FCHO1: variants seen among roughly 807,000 people sequenced by gnomAD.
FCHO1 encodes the protein F-BAR domain only protein 1.
FCHO1 carries 45 observed loss-of-function variants against 114.4 expected under a neutral mutation model. The ratio of observed to expected loss-of-function variants is 0.39; its 90% confidence interval spans 0.31 to 0.50. FCHO1 has a LOEUF of 0.50. FCHO1 is among the 20% of genes least tolerant of loss of function. The probability of loss-of-function intolerance (pLI) is 0.77; values close to 1 mark genes in which losing one functional copy is unlikely to be tolerated. For missense variants in FCHO1, 1,042 were observed against 1,209.6 expected (o/e 0.86, Z 2.06); for synonymous variants, 480 against 488.9 (o/e 0.98, Z 0.24).
At chr19:17,769,820 G>A (rs529206808) in intron 7 of FCHO1, among the ~76,000 whole-genome samples, 57 of 151,220 alleles carry the variant, frequency 3.8e-4, no homozygotes, top group South Asian at 1.7e-3. Flanking sequence ...TCTGAAATAT[G>A]AACCATGTGT....
In FCHO1 at chr19:17,776,636, G is replaced by C. The variant is rs771723774; in HGVS notation, c.1209G>C (p.Arg403=). 6.2e-7 allele frequency: 1 copy of C among 1,613,938 alleles called. No homozygotes were observed. Among genetic ancestry groups the C allele is most frequent in the Non-Finnish European group, 8.5e-7 (1 of 1,179,956 alleles). ...CTGAAGGAGGTGCATCTCTTGTAGG[G>C]GACGCTGCTGGGAAACCCCAGAGAC... ...PGGTMKRHSS[R]DAAGKPQRPR... Residue 403 remains arginine, a splice_region_variant and synonymous_variant, in exon 18 of 29, where the codon CGG becomes CGC. Coordinates refer to ENST00000596536, the MANE Select transcript of FCHO1 (RefSeq NM_015122.3). This position sits in a 1 kb window ranked among gnomAD's most constrained non-coding sequence, Gnocchi z 4.4.
At chr19:17,766,091 T>C (rs891231396) in intron 6 of FCHO1, among the ~76,000 whole-genome samples, 1 of 151,536 alleles carries the variant, frequency 6.6e-6, no homozygotes, top group African/African-American at 2.4e-5. Context: ...GGTTTCACCA[T>C]GTTAGCCAGG....
intron 22 of FCHO1, 41 bp from the exon 23 acceptor site, chr19:17,781,671 T>A (rs754578203): frequency 1.3e-6 from 2 of 1,550,626 alleles, no homozygotes; most frequent in Non-Finnish European, 1.8e-6. Context: ...ATATTCACAC[T>A]GTCTATCCGT....
Position 17,775,026 on chromosome 19 carries a change from T to G in FCHO1, c.921-30T>G. On this transcript the variant is annotated intron_variant, in intron 13 of 28. Coordinates refer to ENST00000596536, the MANE Select transcript of FCHO1 (RefSeq NM_015122.3). The surrounding 1 kb of genome is among the most constrained non-coding windows in gnomAD (Gnocchi z 5.1). The stretch of plus-strand genomic sequence containing the variant: ...GGGGCACCAGATGGGCTGCGGAAGC[T>G]GACACCAACATCTCTTCCTCCATCC... The G allele has an allele frequency of 6.2e-7, 1 of 1,613,322 alleles. No homozygotes were observed. The highest frequency in any genetic ancestry group is 1.1e-5 in the South Asian group (1 of 91,008).
In FCHO1 at chr19:17,775,432, A is replaced by C; in HGVS notation, c.946-24A>C. On this transcript the variant is annotated intron_variant, in intron 14 of 28. Transcript: ENST00000596536. This position sits in a 1 kb window ranked among gnomAD's most constrained non-coding sequence, Gnocchi z 5.1. ...GGTTCGATAGTGGGGCGCCTGACTC[A>C]CTGCTGCCCCCTGACTCCCCTAGAC... 6.2e-7 allele frequency: 1 copy of C among 1,610,908 alleles called. No homozygotes were observed. Among genetic ancestry groups the C allele is most frequent in the Non-Finnish European group, 8.5e-7 (1 of 1,177,418 alleles).
intron 4 of FCHO1, chr19:17,758,685 G>C (rs1032550243): frequency 6.6e-6 from 1 of 152,192 alleles, no homozygotes; most frequent in Non-Finnish European, 1.5e-5. Context: ...TAACCTTCAG[G>C]CTTCTGGCCA....
In FCHO1 at chr19:17,772,828, T is replaced by A. The variant is rs568279652; in HGVS notation, c.790+87T>A. 1.1e-4 allele frequency: 102 copies of A among 944,356 alleles called. No individual in the cohort carries two copies. The East Asian group carries it at 1.8e-3, about 17-fold the overall frequency. 58.5% of individuals were successfully genotyped at this position (944,356 alleles called of 1,614,324 possible). On this transcript the variant is annotated intron_variant, in intron 11 of 28. Coordinates refer to ENST00000596536, the MANE Select transcript of FCHO1 (RefSeq NM_015122.3). ...CACCATGCCCAGCTAATTTTTTTTT[T>A]ATTTTTTTATTTTTAATAGAGACGA... is the stretch of plus-strand genomic sequence containing the variant.
At chr19:17,759,477 C>G (rs1297525990) in intron 4 of FCHO1, among the ~76,000 whole-genome samples, 5 of 151,844 alleles carry the variant, frequency 3.3e-5, no homozygotes, top group Non-Finnish European at 5.9e-5. Flanking sequence ...CCCGCCTCAG[C>G]CTCCTGAAGT....
rs531772185 is a variant in FCHO1 at position 17,776,599 on chromosome 19, G to A, written c.1208-36G>A. On this transcript the variant is annotated intron_variant, in intron 17 of 28. Coordinates refer to ENST00000596536, the MANE Select transcript of FCHO1 (RefSeq NM_015122.3). This position sits in a 1 kb window ranked among gnomAD's most constrained non-coding sequence, Gnocchi z 4.4. ...TGGAGTGGGGAGCATTGCAGGCAGG[G>A]TGACAAGAAGGCTGAAGGAGGTGCA... 1 of 1,612,288 alleles carries A rather than the reference G, an allele frequency of 6.2e-7. No individual in the cohort carries two copies. The highest frequency in any genetic ancestry group is 8.5e-7 in the Non-Finnish European group (1 of 1,178,458).
chr19:17,764,274 C>T (rs1280906840), intron 5 of FCHO1, 101 bp from the exon 6 acceptor site: 2 of 1,207,416 alleles, frequency 1.7e-6, no homozygotes, highest in African/African-American at 3.0e-5. Flanking sequence ...CTCCTAACCT[C>T]AGGTGATCCG....
intron 4 of FCHO1, among the ~76,000 whole-genome samples, chr19:17,759,573 G>GTGTC (rs2085239979): frequency 6.6e-6 from 1 of 152,032 alleles, no homozygotes; most frequent in South Asian, 2.1e-4. Flanking sequence ...AAATCTAAAG[G>GTGTC]TGTCCAATTC....
intron 6 of FCHO1, among the ~76,000 whole-genome samples, chr19:17,765,672 CA>C (rs1228755680): frequency 2.7e-5 from 4 of 146,610 alleles, no homozygotes; most frequent in South Asian, 2.2e-4. Flanking sequence ...GACCATGCCT[CA>C]AAAAAAAACA....
In FCHO1 at chr19:17,775,008, C is replaced by T. The variant is rs564341857; in HGVS notation, c.921-48C>T. On this transcript the variant is annotated intron_variant, in intron 13 of 28. Coordinates refer to ENST00000596536, the MANE Select transcript of FCHO1 (RefSeq NM_015122.3). The surrounding 1 kb of genome is among the most constrained non-coding windows in gnomAD (Gnocchi z 5.1). ...AGTGTTGGGGGCTGACAGGGGGCAC[C>T]AGATGGGCTGCGGAAGCTGACACCA... The T allele has an allele frequency of 2.0e-5, 32 of 1,611,090 alleles. No homozygotes were observed. The African/African-American group carries it at 3.5e-4, about 17-fold the overall frequency.
chr19:17,765,256 G>A (rs1231813474), intron 6 of FCHO1, among the ~76,000 whole-genome samples: 1 of 152,124 alleles, frequency 6.6e-6, no homozygotes, highest in Non-Finnish European at 1.5e-5. Flanking sequence ...GTTGACAGGC[G>A]TGGCATGTTT....
At chr19:17,768,116 G>A (rs1241318758) in intron 7 of FCHO1, among the ~76,000 whole-genome samples, 1 of 152,148 alleles carries the variant, frequency 6.6e-6, no homozygotes, top group Non-Finnish European at 1.5e-5. Context: ...TGCCCAGGCT[G>A]GAGTGCAGTG....
chr19:17,778,172 C>T lies in FCHO1; in HGVS notation c.1295C>T (p.Ser432Phe). ...AERLQSEEQV[S>F]KNLFGPPLES... ...AGATTGCAGTCAGAGGAGCAGGTGT[C>T]CAAGAACCTCTTTGGGCCGCCCCTG... Residue 432 changes from serine to phenylalanine, a missense_variant, in exon 19 of 29, where the codon TCC becomes TTC. By Grantham distance (155) the Ser-to-Phe change is radical. Transcript: ENST00000596536. 1.2e-6 allele frequency: 2 copies of T among 1,613,676 alleles called. No homozygotes were observed. Among genetic ancestry groups the T allele is most frequent in the Non-Finnish European group, 1.7e-6 (2 of 1,179,810 alleles).
intron 19 of FCHO1, 47 bp from the exon 20 acceptor site, chr19:17,778,562 T>C: frequency 1.3e-6 from 2 of 1,482,076 alleles, no homozygotes; most frequent in Non-Finnish European, 9.0e-7. Context: ...GGGCAGGGAC[T>C]CTGAGTGGGC....
intron 27 of FCHO1, 133 bp from the exon 28 acceptor site, chr19:17,787,549 G>A: frequency 1.0e-6 from 1 of 988,308 alleles, no homozygotes; most frequent in Non-Finnish European, 1.4e-6. Flanking sequence ...AGATGCAGGG[G>A]ATCAAAGGGA....
At chr19:17,755,458 C>G (rs1599541048) in intron 4 of FCHO1, 1 of 337,328 alleles carries the variant, frequency 3.0e-6, no homozygotes, top group African/African-American at 2.2e-5. Context: ...TGAAGTTGCC[C>G]CATGAAAAAG....
Sources: allele counts gnomAD v4.1 joint callset (sites outside exome capture counted in the v4.1 genomes callset), GRCh38; gene constraint gnomAD v4.1.1; non-coding constraint Gnocchi (gnomAD v3.1); transcripts MANE v1.5; gene names NCBI Gene and HGNC (gene_info 2026-07-23, HGNC 2026-07-21).